KLF8: variants seen among roughly 807,000 people sequenced by gnomAD.
KLF8 encodes KLF transcription factor 8.
Under a neutral mutation model 18.2 loss-of-function variants are expected in KLF8, and 10 were observed. The ratio of observed to expected loss-of-function variants is 0.55; its 90% CI spans 0.34 to 0.93. The LOEUF is 0.93. Among genes scored for constraint, KLF8 ranks in the 40% least tolerant of loss-of-function variants. The pLI is 0.02. For missense variants in KLF8, 264 were observed against 277.9 expected (o/e 0.95, Z 0.36); for synonymous variants, 109 against 97.3 (o/e 1.12, Z -0.71).
the KLF8 span, among the ~76,000 whole-genome samples, chrX:56,058,289 T>TATATATATAC: frequency 1.6e-4 from 4 of 25,253 alleles, no homozygotes; most frequent in South Asian, 3.0e-3. Context: ...CATATATATA[T>TATATATATAC]ATATATATAT....
chrX:56,028,622 C>T, the KLF8 span, among the ~76,000 whole-genome samples: 2 of 111,557 alleles, frequency 1.8e-5, no homozygotes, highest in Non-Finnish European at 3.8e-5. Flanking sequence ...AGGTCTTTAG[C>T]AGGAAACTTC....
chrX:56,108,824 T>C, the KLF8 span, among the ~76,000 whole-genome samples: 4 of 112,007 alleles, frequency 3.6e-5, no homozygotes, highest in Non-Finnish European at 7.5e-5. Context: ...ATGCATTTGT[T>C]GCTGTAAAAT....
At chrX:55,975,880 C>A in the KLF8 span, among the ~76,000 whole-genome samples, 6 of 111,690 alleles carry the variant, frequency 5.4e-5, no homozygotes, top group Non-Finnish European at 1.1e-4. Context: ...GAGGCTGAGG[C>A]GGGCGGATCA....
chrX:56,184,764 G>T, the KLF8 span, among the ~76,000 whole-genome samples: 1 of 112,145 alleles, frequency 8.9e-6, no homozygotes, highest in Non-Finnish European at 1.9e-5. Context: ...CAGGCAAACA[G>T]GGTCTAGGGT....
the KLF8 span, among the ~76,000 whole-genome samples, chrX:56,137,771 CAAAG>C: frequency 4.1e-5 from 4 of 98,598 alleles, no homozygotes; most frequent in African/African-American, 1.7e-4. Flanking sequence ...AAAAAAGAAA[CAAAG>C]AAACAAAAAA....
chrX:56,267,024 GAAAC>G (rs746519772), intron 3 of KLF8: 1 of 752,015 alleles, frequency 1.3e-6, no homozygotes, highest in African/African-American at 2.3e-5. Context: ...CCAAAAAAAG[GAAAC>G]AAACAAAAAA....
chrX:56,228,734 G>A (rs945773319), upstream of KLF8, among the ~76,000 whole-genome samples: 8 of 111,543 alleles, frequency 7.2e-5, no homozygotes, highest in Non-Finnish European at 1.5e-4. Flanking sequence ...CAACATTAGC[G>A]GAGGGGCAAA....
the KLF8 span, among the ~76,000 whole-genome samples, chrX:56,039,089 C>T: frequency 9.0e-6 from 1 of 111,411 alleles, no homozygotes; most frequent in African/African-American, 3.3e-5. Flanking sequence ...GTTTAATATC[C>T]TTATAGATTC....
the KLF8 span, among the ~76,000 whole-genome samples, chrX:55,922,927 A>C: frequency 8.9e-6 from 1 of 112,120 alleles, no homozygotes; most frequent in Non-Finnish European, 1.9e-5. Context: ...GCGATTCCTC[A>C]AAGATGTAGA....
At chrX:55,972,636 A>G in the KLF8 span, among the ~76,000 whole-genome samples, 1 of 111,518 alleles carries the variant, frequency 9.0e-6, no homozygotes, top group African/African-American at 3.2e-5. Flanking sequence ...AGAATATTTC[A>G]TGTACCTTTT....
At chrX:56,238,707 C>A (rs1172352285) in intron 1 of KLF8, among the ~76,000 whole-genome samples, 1 of 111,885 alleles carries the variant, frequency 8.9e-6, no homozygotes, top group African/African-American at 3.3e-5. Flanking sequence ...TAAGCTCTTA[C>A]CGCAGTACTC....
At chrX:55,960,288 G>A in the KLF8 span, among the ~76,000 whole-genome samples, 64 of 112,008 alleles carry the variant, frequency 5.7e-4, no homozygotes, top group African/African-American at 1.9e-3. Context: ...AGGCTGAGGT[G>A]GGTGGATCAC....
At chrX:56,079,469 T>A in the KLF8 span, among the ~76,000 whole-genome samples, 20 of 112,071 alleles carry the variant, frequency 1.8e-4, no homozygotes, top group African/African-American at 5.8e-4. Flanking sequence ...AGATTCTTAA[T>A]CCTGAGTTCT....
At chrX:56,126,890 T>G in the KLF8 span, among the ~76,000 whole-genome samples, 1 of 108,698 alleles carries the variant, frequency 9.2e-6, no homozygotes, top group Non-Finnish European at 1.9e-5. Flanking sequence ...GTAGCTGGGA[T>G]TACAGGCGCC....
the KLF8 span, among the ~76,000 whole-genome samples, chrX:56,096,643 G>A: frequency 2.7e-5 from 3 of 111,046 alleles, no homozygotes; most frequent in African/African-American, 9.8e-5. Context: ...ATTCAAAGAA[G>A]CAGAACAAAT....
At chrX:56,086,691 G>T in the KLF8 span, among the ~76,000 whole-genome samples, 5 of 110,608 alleles carry the variant, frequency 4.5e-5, no homozygotes, top group Non-Finnish European at 9.4e-5. Context: ...ATTATGGTTA[G>T]TAGAAGTAGT....
chrX:55,990,652 T>C, the KLF8 span, among the ~76,000 whole-genome samples: 4 of 111,971 alleles, frequency 3.6e-5, no homozygotes, highest in Admixed American at 3.8e-4. Flanking sequence ...TGGTCTTTGA[T>C]GATGGTGACA....
chrX:56,020,148 G>T, the KLF8 span, among the ~76,000 whole-genome samples: 1 of 111,671 alleles, frequency 9.0e-6, no homozygotes, highest in Non-Finnish European at 1.9e-5. Context: ...CACCAAATAT[G>T]AAAGGAGTTC....
At chrX:55,909,425 C>T in the KLF8 span, among the ~76,000 whole-genome samples, 2 of 112,576 alleles carry the variant, frequency 1.8e-5, no homozygotes, top group Non-Finnish European at 3.8e-5. Context: ...CATGGCAGTG[C>T]AGGTATCTTG....
Sources: gnomAD v4.1 joint callset for allele counts (sites outside exome capture counted in the v4.1 genomes callset) on GRCh38, gnomAD v4.1.1 for gene constraint, MANE v1.5 for transcripts, NCBI Gene and HGNC (gene_info 2026-07-23, HGNC 2026-07-21) for gene names.